The following WWOX variants were observed in gnomAD, a reference collection of about 807,000 sequenced individuals.
WWOX encodes WW domain containing oxidoreductase, also known as WW domain-containing oxidoreductase.
In WWOX, 69 loss-of-function variants were observed where a neutral mutation model predicts 46.2. The ratio of observed to expected loss-of-function variants is 1.49; its 90% CI spans 1.23 to 1.82. The LOEUF is 1.82. Among genes scored for constraint, WWOX ranks in the 40% most tolerant of loss-of-function variants. WWOX has a pLI of 0.00. For synonymous variants in WWOX, 359 were observed against 202.6 expected (o/e 1.77, Z -6.56); for missense variants, 919 against 542.6 (o/e 1.69, Z -6.89).
intron 8 of WWOX, among the ~76,000 whole-genome samples, chr16:78,770,445 G>A (rs527383135): frequency 6.6e-6 from 1 of 152,210 alleles, no homozygotes; most frequent in South Asian, 2.1e-4. Context: ...CCAGGAAAGA[G>A]CAAATCTGGG....
At chr16:78,833,414 C>A (rs1024587661) in intron 8 of WWOX, among the ~76,000 whole-genome samples, 2 of 111,052 alleles carry the variant, frequency 1.8e-5, no homozygotes, top group African/African-American at 6.4e-5. Context: ...TACTTAATGG[C>A]CCAGCCATCT....
At chr16:78,648,454 C>G (rs1205664831) in intron 8 of WWOX, among the ~76,000 whole-genome samples, 3 of 152,280 alleles carry the variant, frequency 2.0e-5, no homozygotes, top group Non-Finnish European at 2.9e-5. Flanking sequence ...GGATATCTTG[C>G]TAATGAGACA....
At chr16:79,042,343 T>C (rs1423447106) in intron 8 of WWOX, among the ~76,000 whole-genome samples, 1 of 152,198 alleles carries the variant, frequency 6.6e-6, no homozygotes, top group Non-Finnish European at 1.5e-5. Flanking sequence ...TGGAAGTTCA[T>C]TGACTTTGTT....
chr16:78,923,195 G>A (rs1354240986), intron 8 of WWOX, among the ~76,000 whole-genome samples: 2 of 151,840 alleles, frequency 1.3e-5, no homozygotes, highest in African/African-American at 4.8e-5. Context: ...TGGTCAGGCT[G>A]GTCTCAAACT....
chr16:78,411,009 A>T (rs1425167954), intron 6 of WWOX, among the ~76,000 whole-genome samples: 1 of 152,134 alleles, frequency 6.6e-6, no homozygotes, highest in Non-Finnish European at 1.5e-5. Flanking sequence ...AGTTGATAAC[A>T]CAGCAGTTAG....
chr16:78,730,168 G>C (rs530582426), intron 8 of WWOX, among the ~76,000 whole-genome samples: 1 of 152,180 alleles, frequency 6.6e-6, no homozygotes, highest in South Asian at 2.1e-4. Context: ...ATAAAATTTT[G>C]TTCTATTTTA....
intron 8 of WWOX, among the ~76,000 whole-genome samples, chr16:79,162,003 G>A (rs150010109): frequency 6.6e-6 from 1 of 152,334 alleles, no homozygotes; most frequent in East Asian, 1.9e-4. Context: ...GCCAGGACCA[G>A]AACCAGGACA....
intron 8 of WWOX, among the ~76,000 whole-genome samples, chr16:78,788,425 C>G (rs889571340): frequency 6.6e-6 from 1 of 152,186 alleles, no homozygotes; most frequent in African/African-American, 2.4e-5. Flanking sequence ...GATTGTGAGT[C>G]TTCAGACCCT....
intron 8 of WWOX, among the ~76,000 whole-genome samples, chr16:78,575,323 C>G (rs2044850641): frequency 1.3e-5 from 2 of 150,182 alleles, no homozygotes; most frequent in Admixed American, 6.7e-5. Flanking sequence ...AATACTGTTC[C>G]TAGTTAGTAT....
chr16:78,599,951 C>T (rs2045581685), intron 8 of WWOX, among the ~76,000 whole-genome samples: 1 of 152,142 alleles, frequency 6.6e-6, no homozygotes, highest in African/African-American at 2.4e-5. Context: ...TTGATAAACA[C>T]ATACCTGAGG....
intron 8 of WWOX, among the ~76,000 whole-genome samples, chr16:79,011,724 C>G (rs12445407): frequency 0.076 from 11,548 of 152,018 alleles, 785 homozygotes; most frequent in East Asian, 0.29. Flanking sequence ...AACTCCTGGG[C>G]TCAAGCTATT....
intron 8 of WWOX, among the ~76,000 whole-genome samples, chr16:79,178,461 G>A (rs1474677367): frequency 6.6e-6 from 1 of 152,008 alleles, no homozygotes. Flanking sequence ...GATGACAGGT[G>A]AGCACCACCA....
rs565683990 is a variant in WWOX at position 78,831,208 on chromosome 16, T to C, written c.1057-380400T>C. On this transcript the variant is annotated intron_variant, in intron 8 of 8. Transcript: ENST00000566780. ...TGTCTGAGCACCATCTCTGTGACTT[T>C]CGAGGTCATGTTTTCCCTCCAGCCC... Among the ~76,000 whole-genome samples the C allele has an allele frequency of 3.6e-5, 5 of 139,400 alleles. No individual in the cohort carries two copies. In the Admixed American group the frequency reaches 3.6e-4, roughly 10 times the overall value. 91.5% of individuals were successfully genotyped at this position (139,400 alleles called of 152,430 possible). A position where few individuals can be genotyped will look rare whatever the true frequency, so the allele number is the denominator to read the frequency against.
At chr16:78,885,814 A>G (rs114015622) in intron 8 of WWOX, among the ~76,000 whole-genome samples, 1,847 of 152,170 alleles carry the variant, frequency 0.012, 40 homozygotes, top group African/African-American at 0.042. Flanking sequence ...ACTTAAGTCT[A>G]TATATTAAAG....
rs531452864 is a variant in WWOX, at chr16:78,826,095, C to G, written c.1057-385513C>G. On this transcript the variant is annotated intron_variant, in intron 8 of 8. Coordinates refer to ENST00000566780, the MANE Select transcript of WWOX (RefSeq NM_016373.4). ...TATTGTACAAAGACAACCGGGAATG[C>G]CTGTAATCCCAGCACTGTGGGAGTC... 2.1e-5 allele frequency: 7 copies of G among 335,146 alleles called. No homozygotes were observed. In the East Asian group the frequency reaches 3.8e-4, roughly 18 times the overall value. 20.8% of individuals were successfully genotyped at this position (335,146 alleles called of 1,614,324 possible).
intron 8 of WWOX, among the ~76,000 whole-genome samples, chr16:79,092,070 C>T (rs758575586): frequency 4.4e-4 from 67 of 152,024 alleles, no homozygotes; most frequent in African/African-American, 1.3e-3. Context: ...TGTGAGCCAC[C>T]GCACCGGGCC....
intron 8 of WWOX, among the ~76,000 whole-genome samples, chr16:78,902,167 C>A (rs142134040): frequency 1.3e-5 from 2 of 152,290 alleles, no homozygotes; most frequent in East Asian, 1.9e-4. Context: ...TCTGGAGAAT[C>A]GGGCAGCCTG....
chr16:78,629,681 C>A (rs1424488856), intron 8 of WWOX, among the ~76,000 whole-genome samples: 1 of 152,212 alleles, frequency 6.6e-6, no homozygotes, highest in Admixed American at 6.5e-5. Context: ...TTGTCTCTGG[C>A]TAGAGTAGTC....
chr16:78,562,889 G>A (rs972718943), intron 8 of WWOX, among the ~76,000 whole-genome samples: 4 of 152,152 alleles, frequency 2.6e-5, no homozygotes, highest in Admixed American at 6.5e-5. Flanking sequence ...ACGATGGGGA[G>A]GTGACACATA....
Sources: allele counts gnomAD v4.1 joint callset (sites outside exome capture counted in the v4.1 genomes callset), GRCh38; gene constraint gnomAD v4.1.1; transcripts MANE v1.5; gene names NCBI Gene and HGNC (gene_info 2026-07-23, HGNC 2026-07-21).